FREM3: variants seen among roughly 807,000 people sequenced by gnomAD.
The protein encoded by FREM3 is FRAS1-related extracellular matrix protein 3.
In FREM3, 105 loss-of-function variants were observed where a neutral mutation model predicts 129.1. The ratio of observed to expected loss-of-function variants is 0.81; its 90% CI spans 0.69 to 0.96. The LOEUF (loss-of-function observed/expected upper bound fraction) is 0.96, where lower values mean the gene tolerates loss of function less well. Among genes scored for constraint, FREM3 ranks in the 40% least tolerant of loss-of-function variants. The pLI, the probability that FREM3 is intolerant of heterozygous loss-of-function variation, is 0.00. For missense variants in FREM3, 2,593 were observed against 2,666.3 expected (o/e 0.97, Z 0.61); for synonymous variants, 1,014 against 1,044.9 (o/e 0.97, Z 0.57).
At chr4:143,681,444 C>T (rs1477944870) in intron 2 of FREM3, among the ~76,000 whole-genome samples, 1 of 152,066 alleles carries the variant, frequency 6.6e-6, no homozygotes, top group Non-Finnish European at 1.5e-5. Context: ...GATTAATAAA[C>T]TTGACAGTAT....
rs976742675 is a variant in FREM3, at chr4:143,665,831, A to G, written c.5275+27282T>C. On this transcript the variant is annotated intron_variant, in intron 2 of 7. Coordinates refer to ENST00000329798, the MANE Select transcript of FREM3 (RefSeq NM_001168235.2). ...TCTGGATTTCAAAGTGTACTCATCT[A>G]ACTAGCCCTTGTGTTCTAGGATATC... is the stretch of plus-strand genomic sequence containing the variant. 2.6e-5 allele frequency among the ~76,000 whole-genome samples: 4 copies of G among 152,258 alleles called. No individual in the cohort carries two copies. In the East Asian group the frequency reaches 7.7e-4, roughly 29 times the overall value.
At chr4:143,595,738 A>T (rs1356970623) in intron 6 of FREM3, among the ~76,000 whole-genome samples, 1 of 152,048 alleles carries the variant, frequency 6.6e-6, no homozygotes, top group Admixed American at 6.5e-5. Context: ...ATACAAAAAA[A>T]TTAGCCAGGT....
intron 2 of FREM3, among the ~76,000 whole-genome samples, chr4:143,657,193 C>T (rs993940680): frequency 6.6e-5 from 10 of 152,192 alleles, no homozygotes; most frequent in African/African-American, 2.4e-4. Context: ...GCAACACACT[C>T]ATATTTATCA....
At chr4:143,619,771 C>A (rs1417189234) in intron 5 of FREM3, among the ~76,000 whole-genome samples, 1 of 152,018 alleles carries the variant, frequency 6.6e-6, no homozygotes, top group African/African-American at 2.4e-5. Context: ...CTGGGGACCT[C>A]AAGGCCCTAC....
intron 3 of FREM3, among the ~76,000 whole-genome samples, chr4:143,626,656 T>C (rs1219483695): frequency 6.6e-6 from 1 of 152,150 alleles, no homozygotes; most frequent in Non-Finnish European, 1.5e-5. Context: ...ACCTGGAATG[T>C]AGGCCGAGGC....
At chr4:143,579,895 A>G (rs946021753) in intron 7 of FREM3, among the ~76,000 whole-genome samples, 1 of 152,220 alleles carries the variant, frequency 6.6e-6, no homozygotes, top group Non-Finnish European at 1.5e-5. Context: ...TATCCCAAGC[A>G]TGAACATTAC....
chr4:143,656,189 C>T (rs1031957715), intron 2 of FREM3, among the ~76,000 whole-genome samples: 2 of 152,110 alleles, frequency 1.3e-5, no homozygotes, highest in Non-Finnish European at 2.9e-5. Flanking sequence ...CATTGTTTTT[C>T]TATCAGTTAC....
At chr4:143,619,632 A>G (rs1217999930) in intron 5 of FREM3, among the ~76,000 whole-genome samples, 1 of 152,236 alleles carries the variant, frequency 6.6e-6, no homozygotes, top group Non-Finnish European at 1.5e-5. Flanking sequence ...TCATAAATAA[A>G]ATGAACATGA....
chr4:143,670,456 C>T (rs1380544417), intron 2 of FREM3, among the ~76,000 whole-genome samples: 2 of 152,086 alleles, frequency 1.3e-5, no homozygotes, highest in African/African-American at 2.4e-5. Context: ...GAATTTAAGA[C>T]TTCATCCCGA....
intron 7 of FREM3, among the ~76,000 whole-genome samples, chr4:143,584,995 A>G (rs1465380294): frequency 6.6e-5 from 10 of 152,212 alleles, no homozygotes; most frequent in Admixed American, 5.9e-4. Context: ...ATACAATTAC[A>G]TGGAAATTAA....
At chr4:143,629,934 T>C (rs1739108629) in intron 2 of FREM3, among the ~76,000 whole-genome samples, 1 of 152,032 alleles carries the variant, frequency 6.6e-6, no homozygotes, top group African/African-American at 2.4e-5. Context: ...GTAGGAAAAA[T>C]CTATTGCAGA....
intron 7 of FREM3, among the ~76,000 whole-genome samples, chr4:143,583,362 A>C (rs1738180970): frequency 6.6e-6 from 1 of 152,204 alleles, no homozygotes; most frequent in Non-Finnish European, 1.5e-5. Context: ...AGGGAGAGAA[A>C]CCAAACAACT....
chr4:143,700,575 G>C lies in FREM3; in HGVS notation c.101C>G (p.Ser34Cys), dbSNP rs770074236. 1 of 1,500,470 alleles carries C rather than the reference G, an allele frequency of 6.7e-7. No homozygotes were observed. Among genetic ancestry groups the C allele is most frequent in the South Asian group, 1.3e-5 (1 of 79,830 alleles). 92.9% of individuals were successfully genotyped at this position (1,500,470 alleles called of 1,614,324 possible). A position where few individuals can be genotyped will look rare whatever the true frequency, so the allele number is the denominator to read the frequency against. ...LSRPALQGRA[S>C]SLGTEPDPAL... is the part of the protein sequence containing the mutation. ...CGGGTCGGGCTCGGTCCCAAGTGAG[G>C]ATGCCCGTCCCTGCAGCGCGGGGCG... The change falls in exon 1 of 8, where the codon TCC (serine) becomes TGC (cysteine). Residue 34 changes from serine to cysteine, a missense_variant. This residue lies in a region of FREM3 where 2,276 missense variants were observed against 2,267.2 expected (regional missense o/e 1.00). Transcript: ENST00000329798.
At chr4:143,621,761 C>T (rs180791692) in intron 4 of FREM3, among the ~76,000 whole-genome samples, 1 of 151,996 alleles carries the variant, frequency 6.6e-6, no homozygotes, top group South Asian at 2.1e-4. Context: ...TGTGCATACA[C>T]CTAGACATAA....
intron 2 of FREM3, among the ~76,000 whole-genome samples, chr4:143,641,167 T>G (rs148281122): frequency 6.2e-4 from 95 of 152,222 alleles, no homozygotes; most frequent in African/African-American, 2.2e-3. Flanking sequence ...GAAACACTTA[T>G]TTTTCTAAGA....
rs1486819917 is a variant in FREM3, at chr4:143,696,115, G to A, written c.4561C>T (p.Pro1521Ser). The A allele has an allele frequency of 2.0e-6, 3 of 1,537,318 alleles. No homozygotes were observed. The African/African-American group carries it at 4.1e-5, about 21-fold the overall frequency. The change falls in exon 1 of 8, where the codon CCT becomes TCT. Residue 1521 changes from proline to serine, a missense_variant. Pro to Ser is a moderately conservative substitution (Grantham distance 74, BLOSUM62 -1). Around this residue, in one of 2 missense-constraint regions of FREM3, gnomAD observed 2,276 missense variants for 2,267.2 expected, o/e 1.00. Transcript: ENST00000329798. ...FEFQVIGELY[P>S]VFRTFRIFIT... ...AAGATCCTGAAGGTTCTGAACACAG[G>A]GTAGAGTTCGCCGATCACTTGAAAT...
At chr4:143,632,940 G>A (rs1030201165) in intron 2 of FREM3, among the ~76,000 whole-genome samples, 1 of 152,190 alleles carries the variant, frequency 6.6e-6, no homozygotes, top group Non-Finnish European at 1.5e-5. Context: ...CCTACAGGAA[G>A]GAATTAGAAA....
chr4:143,588,087 C>A (rs1385687873), intron 6 of FREM3, among the ~76,000 whole-genome samples: 2 of 152,146 alleles, frequency 1.3e-5, no homozygotes, highest in Non-Finnish European at 2.9e-5. Context: ...TCAGATTTTC[C>A]AGGCAGAGCC....
Position 143,577,415 on chromosome 4 carries a change from C to A in FREM3, c.*196G>T. The A allele has an allele frequency of 1.8e-6, 1 of 550,750 alleles. No homozygotes were observed. The highest frequency in any genetic ancestry group is 3.1e-5 in the South Asian group (1 of 32,556). The allele number at this position is 550,750 out of a possible 1,614,324, so 34.1% of individuals were successfully genotyped here. The stretch of plus-strand genomic sequence containing the variant: ...TGAACACAGTCTAATTATTTGTGGG[C>A]TCAATGTTTTCTAGGTATATATATT... On this transcript the variant is annotated 3_prime_UTR_variant, in exon 8 of 8. Coordinates refer to ENST00000329798, the MANE Select transcript of FREM3 (RefSeq NM_001168235.2).
Sources: allele counts gnomAD v4.1 joint callset (sites outside exome capture counted in the v4.1 genomes callset), GRCh38; gene constraint gnomAD v4.1.1; regional missense constraint gnomAD v4.1.1; transcripts MANE v1.5; gene names NCBI Gene and HGNC (gene_info 2026-07-23, HGNC 2026-07-21).